GALNT13: variants seen among roughly 807,000 people sequenced by gnomAD.
GALNT13 encodes UDP-GalNAc:polypeptide N-acetylgalactosaminyltransferase 13.
In GALNT13, 28 loss-of-function variants were observed where a neutral mutation model predicts 64.2. The ratio of observed to expected loss-of-function variants is 0.44; its 90% CI spans 0.32 to 0.60. The LOEUF (loss-of-function observed/expected upper bound fraction) is 0.60, where lower values mean the gene tolerates loss of function less well. GALNT13 is among the 20% of genes least tolerant of loss of function. The probability of loss-of-function intolerance (pLI) is 0.05; values close to 1 mark genes in which losing one functional copy is unlikely to be tolerated. For synonymous variants in GALNT13, 214 were observed against 224.6 expected (o/e 0.95, Z 0.42); for missense variants, 577 against 669.8 (o/e 0.86, Z 1.53).
the GALNT13 span, chr2:153,478,733 C>T: frequency 3.3e-6 from 2 of 615,354 alleles, no homozygotes; most frequent in Admixed American, 6.3e-5. Flanking sequence ...CCAGGAGCCT[C>T]TCCGACGCGC....
intron 1 of GALNT13, among the ~76,000 whole-genome samples, chr2:153,898,108 C>T (rs1264712281): frequency 6.6e-6 from 1 of 151,894 alleles, no homozygotes. Flanking sequence ...TTTTCTGGAC[C>T]CCATATATCT....
chr2:154,175,489 T>A (rs1442270932), intron 4 of GALNT13, among the ~76,000 whole-genome samples: 1 of 152,170 alleles, frequency 6.6e-6, no homozygotes, highest in Admixed American at 6.5e-5. Context: ...AACTGAAAAC[T>A]ATTCTGGAGG....
the GALNT13 span, among the ~76,000 whole-genome samples, chr2:153,767,579 T>C: frequency 6.6e-6 from 1 of 152,178 alleles, no homozygotes; most frequent in Non-Finnish European, 1.5e-5. Context: ...AGTATGTGAA[T>C]GTTCCCTTTA....
intron 3 of GALNT13, among the ~76,000 whole-genome samples, chr2:153,963,368 A>C (rs1693074728): frequency 6.6e-6 from 1 of 152,188 alleles, no homozygotes; most frequent in Non-Finnish European, 1.5e-5. Context: ...CATTATTATG[A>C]ATAAAGCTGC....
At chr2:153,601,893 G>A in the GALNT13 span, among the ~76,000 whole-genome samples, 1 of 151,726 alleles carries the variant, frequency 6.6e-6, no homozygotes, top group African/African-American at 2.4e-5. Context: ...CTAAAATAGT[G>A]CGTTATCCCT....
At position 153,892,399 on chromosome 2, in the gene GALNT13, C is replaced by A. The variant is rs1020403441; in HGVS notation, c.-176-8537C>A. ...TAATCTCTTGCAATGATAATCTCTA[C>A]AAGTTTATAAAAATCATGGGTCCAA... On this transcript the variant is annotated intron_variant, in intron 1 of 12. Coordinates refer to ENST00000392825, the MANE Select transcript of GALNT13 (RefSeq NM_052917.4). Among the ~76,000 whole-genome samples the A allele has an allele frequency of 9.2e-5, 14 of 152,080 alleles. 1 individual carries two copies. The highest frequency in any genetic ancestry group is 3.4e-4 in the African/African-American group (14 of 41,558).
chr2:153,456,632 A>G, the GALNT13 span, among the ~76,000 whole-genome samples: 4 of 152,272 alleles, frequency 2.6e-5, no homozygotes, highest in East Asian at 7.7e-4. Context: ...ATCTGTTGCT[A>G]TGTTCTGTTC....
chr2:154,419,795 A>G (rs1700173615), intron 11 of GALNT13, among the ~76,000 whole-genome samples: 1 of 152,160 alleles, frequency 6.6e-6, no homozygotes, highest in African/African-American at 2.4e-5. Flanking sequence ...CAACAAGGGA[A>G]GGACACCAGA....
At chr2:154,426,727 A>C (rs1022212478) in intron 11 of GALNT13, among the ~76,000 whole-genome samples, 2 of 152,214 alleles carry the variant, frequency 1.3e-5, no homozygotes, top group Non-Finnish European at 2.9e-5. Flanking sequence ...AAAATTTAAC[A>C]TTGGTAATGT....
At chr2:153,456,450 G>T in the GALNT13 span, among the ~76,000 whole-genome samples, 2 of 152,266 alleles carry the variant, frequency 1.3e-5, no homozygotes, top group Non-Finnish European at 2.9e-5. Context: ...CTAATATGTG[G>T]CTGAGCATTG....
intron 11 of GALNT13, among the ~76,000 whole-genome samples, chr2:154,434,574 C>T (rs563491080): frequency 6.6e-6 from 1 of 152,110 alleles, no homozygotes; most frequent in African/African-American, 2.4e-5. Flanking sequence ...GGAGCATAGA[C>T]ATCATCACCT....
intron 2 of GALNT13, among the ~76,000 whole-genome samples, chr2:153,943,556 G>A (rs1251541350): frequency 6.6e-6 from 1 of 151,234 alleles, no homozygotes; most frequent in Non-Finnish European, 1.5e-5. Context: ...GTGCAATTGT[G>A]TGATCTCAGC....
At chr2:153,384,285 G>A in the GALNT13 span, among the ~76,000 whole-genome samples, 1 of 152,014 alleles carries the variant, frequency 6.6e-6, no homozygotes, top group Non-Finnish European at 1.5e-5. Flanking sequence ...GAAATCTGAA[G>A]ACTTACTATT....
chr2:153,697,924 A>C, the GALNT13 span, among the ~76,000 whole-genome samples: 1 of 152,320 alleles, frequency 6.6e-6, no homozygotes, highest in East Asian at 1.9e-4. Flanking sequence ...CCCAAGAAGA[A>C]AGTGGAGGCC....
intron 11 of GALNT13, among the ~76,000 whole-genome samples, chr2:154,417,509 A>ATTTTTTTTTT (rs1202687837): frequency 1.1e-4 from 15 of 133,470 alleles, no homozygotes; most frequent in East Asian, 7.2e-4. Flanking sequence ...TTATTTATTT[A>ATTTTTTTTTT]TTTATTTATT....
At chr2:153,341,730 A>G in the GALNT13 span, among the ~76,000 whole-genome samples, 1,067 of 152,322 alleles carry the variant, frequency 7.0e-3, 14 homozygotes, top group African/African-American at 0.024. Flanking sequence ...TCTCTTGCCT[A>G]CTGTGCTATA....
intron 7 of GALNT13, among the ~76,000 whole-genome samples, chr2:154,246,877 A>G (rs1689811722): frequency 6.6e-6 from 1 of 152,068 alleles, no homozygotes; most frequent in African/African-American, 2.4e-5. Flanking sequence ...ACATTGAACT[A>G]AAGGATGTTA....
At chr2:154,072,430 T>A (rs1340376510) in intron 3 of GALNT13, among the ~76,000 whole-genome samples, 1 of 152,102 alleles carries the variant, frequency 6.6e-6, no homozygotes, top group Admixed American at 6.6e-5. Context: ...TAGCTTATAG[T>A]TTGTTTTTTT....
chr2:154,012,083 A>G (rs1696676149), intron 3 of GALNT13, among the ~76,000 whole-genome samples: 1 of 152,118 alleles, frequency 6.6e-6, no homozygotes, highest in African/African-American at 2.4e-5. Flanking sequence ...ATTAATGTTG[A>G]TAAGTGGGTA....
Sources: allele counts gnomAD v4.1 joint callset (sites outside exome capture counted in the v4.1 genomes callset), GRCh38; gene constraint gnomAD v4.1.1; transcripts MANE v1.5; gene names NCBI Gene and HGNC (gene_info 2026-07-23, HGNC 2026-07-21).